The following NAE1 variants were observed in gnomAD, a reference collection of about 807,000 sequenced individuals.
NAE1 encodes NEDD8 activating enzyme E1 subunit 1.
Under a neutral mutation model 88.0 loss-of-function variants are expected in NAE1, and 59 were observed. That is an observed-to-expected ratio of 0.67 (90% confidence interval 0.54 to 0.83). The LOEUF (loss-of-function observed/expected upper bound fraction) is 0.83. Among genes scored for constraint, NAE1 ranks in the 40% least tolerant of loss-of-function variants. NAE1 has a pLI of 0.00. For synonymous variants in NAE1, 186 were observed against 208.9 expected (o/e 0.89, Z 0.95); for missense variants, 554 against 632.8 (o/e 0.88, Z 1.34).
Position 66,806,114 on chromosome 16 carries a change from A to T in NAE1, c.1331-88T>A, listed in dbSNP as rs363204. On this transcript the variant is annotated intron_variant, in intron 17 of 19. Transcript: ENST00000290810. ...TATTTAATCTAGTTTCAGATGTTCT[A>T]GTCAAAATATGTATGAAACTGAAGA... 3.7e-4 allele frequency: 513 copies of T among 1,389,258 alleles called. 2 individuals are homozygous for T. Among genetic ancestry groups the T allele is most frequent in the Non-Finnish European group, 4.6e-4 (484 of 1,050,336 alleles). The allele number at this position is 1,389,258 out of a possible 1,614,324, so 86.1% of individuals were successfully genotyped here. A position where few individuals can be genotyped will look rare whatever the true frequency, so the allele number is the denominator to read the frequency against.
chr16:66,824,932 TA>T, intron 3 of NAE1, 47 bp from the exon 4 acceptor site: 2 of 1,543,716 alleles, frequency 1.3e-6, no homozygotes, highest in Non-Finnish European at 8.8e-7. Context: ...TTACTGACTA[TA>T]AAGGAAAAGT....
At chr16:66,817,561 A>C in intron 8 of NAE1, 74 bp from the exon 9 acceptor site, 1 of 991,924 alleles carries the variant, frequency 1.0e-6, no homozygotes, top group Non-Finnish European at 1.5e-6. Context: ...TTTTCAACAA[A>C]TTCAACAATA....
chr16:66,811,080 T>C (rs1013647928), intron 13 of NAE1, among the ~76,000 whole-genome samples: 51 of 152,166 alleles, frequency 3.4e-4, no homozygotes, highest in African/African-American at 1.2e-3. Flanking sequence ...AAAAATACAT[T>C]ACTGAAGAAC....
rs146366433 is a variant in NAE1 at position 66,817,769 on chromosome 16, T to A, written c.622-282A>T. Among the ~76,000 whole-genome samples, 1,040 of 152,040 alleles carry A rather than the reference T, an allele frequency of 6.8e-3. 5 individuals are homozygous for A. Among genetic ancestry groups the A allele is most frequent in the Non-Finnish European group, 0.01 (703 of 67,936 alleles). ...CTCAAATCTCAATTTCAGACACCAA[T>A]CCTAAGTAAGAAAGGAGGATCTTTT... On this transcript the variant is annotated intron_variant, in intron 8 of 19. Coordinates refer to ENST00000290810, the MANE Select transcript of NAE1 (RefSeq NM_003905.4).
At chr16:66,823,336 C>CA (rs746133323) in intron 5 of NAE1, 30 bp from the exon 6 acceptor site, 105 of 1,513,266 alleles carry the variant, frequency 6.9e-5, no homozygotes, top group Middle Eastern at 1.7e-4. Context: ...AAAAAACAAA[C>CA]AAAAAAAACC....
At chr16:66,818,071 T>C (rs1027066668) in intron 8 of NAE1, among the ~76,000 whole-genome samples, 1 of 152,194 alleles carries the variant, frequency 6.6e-6, no homozygotes, top group African/African-American at 2.4e-5. Context: ...GGTATCTGTA[T>C]AGCATTTATC....
chr16:66,804,566 A>G (rs1342328262), intron 19 of NAE1, among the ~76,000 whole-genome samples: 1 of 152,230 alleles, frequency 6.6e-6, no homozygotes, highest in African/African-American at 2.4e-5. Context: ...AAAACATTCA[A>G]CATCTAGAAG....
At position 66,822,515 on chromosome 16, in the gene NAE1, G is replaced by A. The variant is rs893677410; in HGVS notation, c.401+712C>T. ...GAACCCAGGAGGCAGAGGTTGCAGT[G>A]AGCTAAGATTGTGCCACTGCACTCC... On this transcript the variant is annotated intron_variant, in intron 6 of 19. Transcript: ENST00000290810. Among the ~76,000 whole-genome samples the A allele has an allele frequency of 9.2e-5, 14 of 151,882 alleles. 1 individual carries two copies. Among genetic ancestry groups the A allele is most frequent in the Admixed American group, 7.2e-4 (11 of 15,250 alleles).
At chr16:66,829,140 T>C (rs376566738) in intron 1 of NAE1, among the ~76,000 whole-genome samples, 20 of 152,342 alleles carry the variant, frequency 1.3e-4, no homozygotes, top group African/African-American at 4.6e-4. Flanking sequence ...TTCTAACTGC[T>C]TCCCTTTGAC....
chr16:66,814,762 G>C (rs1031343502), intron 11 of NAE1, among the ~76,000 whole-genome samples: 6 of 152,084 alleles, frequency 3.9e-5, no homozygotes, highest in African/African-American at 1.4e-4. Flanking sequence ...TGGTCTTTTA[G>C]AATACAAAGC....
Position 66,830,876 on chromosome 16 carries a change from G to C in NAE1, c.24C>G (p.Leu8=). The C allele has an allele frequency of 2.6e-6, 4 of 1,534,688 alleles. No homozygotes were observed. The highest frequency in any genetic ancestry group is 3.5e-6 in the Non-Finnish European group (4 of 1,150,112). Residue 8 remains leucine, a synonymous_variant, in exon 1 of 20, where the codon CTC becomes CTG. Coordinates refer to ENST00000290810, the MANE Select transcript of NAE1 (RefSeq NM_003905.4). ...GCTGCCGGTCGTACTTCTGCTCCTT[G>C]AGCAGCTTTCCCAGCTGCGCCATGG... The part of the protein sequence containing the change: MAQLGKL[L]KEQKYDRQLR...
At position 66,817,434 on chromosome 16, in the gene NAE1, C is replaced by A. The variant is rs758728026; in HGVS notation, c.675G>T (p.Trp225Cys). 6.9e-6 allele frequency: 11 copies of A among 1,605,112 alleles called. No homozygotes were observed. The highest frequency in any genetic ancestry group is 9.4e-6 in the Non-Finnish European group (11 of 1,174,380). ...TTAAAAAAGGACATACTTCACTATACCACTGTGCTAAATATTTAGCTATGA... is the reference window on the plus strand; with the variant it reads ...TTAAAAAAGGACATACTTCACTATAACACTGTGCTAAATATTTAGCTATGA... ...IVIIAKYLAQWYSETNGRIPK... is the reference protein window; with the variant it reads ...IVIIAKYLAQCYSETNGRIPK... The change falls in exon 9 of 20, where the codon TGG becomes TGT. Residue 225 changes from tryptophan (W) to cysteine (C), a missense_variant. Transcript: ENST00000290810.
intron 1 of NAE1, chr16:66,828,185 A>T: frequency 1.2e-6 from 1 of 837,746 alleles, no homozygotes; most frequent in East Asian, 2.5e-5. Context: ...TTGGAGAGTA[A>T]ATTTAAGAAT....
Position 66,817,495 on chromosome 16 carries a change from T to C in NAE1, c.622-8A>G. The C allele has an allele frequency of 6.5e-7, 1 of 1,540,210 alleles. No homozygotes were observed. ...TGGAGTATGACTGTGGTCCTAAAAA[T>C]GAGAGACAAATAAAAGAAAATATCA... On this transcript the variant is annotated splice_polypyrimidine_tract_variant and splice_region_variant and intron_variant, in intron 8 of 19. Transcript: ENST00000290810.
At chr16:66,805,891 G>C in intron 18 of NAE1, 21 bp downstream of exon 18, 1 of 1,604,864 alleles carries the variant, frequency 6.2e-7, no homozygotes, top group East Asian at 2.2e-5. Flanking sequence ...TCATCTCCTA[G>C]ATACCCTAAA....
At chr16:66,823,405 G>A in intron 5 of NAE1, 99 bp from the exon 6 acceptor site, 1 of 1,283,946 alleles carries the variant, frequency 7.8e-7, no homozygotes, top group Non-Finnish European at 1.1e-6. Context: ...AACAAATGAG[G>A]CAACAATTCC....
At chr16:66,818,773 G>A in intron 7 of NAE1, 136 bp from the exon 8 acceptor site, 2 of 1,206,264 alleles carry the variant, frequency 1.7e-6, no homozygotes, top group Admixed American at 3.5e-5. Flanking sequence ...TGGGCTGAAG[G>A]GATCCTCCCA....
At chr16:66,808,694 T>A in intron 16 of NAE1, 81 bp from the exon 17 acceptor site, 1 of 1,040,450 alleles carries the variant, frequency 9.6e-7, no homozygotes, top group Non-Finnish European at 1.5e-6. Context: ...ACTATATACT[T>A]GAGTTTCAGG....
chr16:66,805,910 A>C lies in NAE1; in HGVS notation c.1445+2T>G, dbSNP rs1199382691. Reference sequence around the variant, plus strand: ...CTCCTAGATACCCTAAAAAATACTCACAATTCGTGGACATAATCATCTTTC... The same window carrying C: ...CTCCTAGATACCCTAAAAAATACTCCCAATTCGTGGACATAATCATCTTTC... On this transcript the variant is annotated splice_donor_variant, in intron 18 of 19. Coordinates refer to ENST00000290810, the MANE Select transcript of NAE1 (RefSeq NM_003905.4). LOFTEE classifies it high-confidence loss of function. 1 of 1,607,760 alleles carries C rather than the reference A, an allele frequency of 6.2e-7. No homozygotes were observed. The highest frequency in any genetic ancestry group is 1.1e-5 in the South Asian group (1 of 89,146).
Sources: allele counts gnomAD v4.1 joint callset (sites outside exome capture counted in the v4.1 genomes callset), GRCh38; gene constraint gnomAD v4.1.1; transcripts MANE v1.5; gene names NCBI Gene and HGNC (gene_info 2026-07-23, HGNC 2026-07-21).